CDH4: variants seen among roughly 807,000 people sequenced by gnomAD.
The protein encoded by CDH4 is cadherin 4, also known as cadherin-4.
A neutral mutation model predicts 86.0 loss-of-function variants in CDH4; 33 were observed. The ratio of observed to expected loss-of-function variants is 0.38; its 90% CI spans 0.29 to 0.51. The LOEUF (loss-of-function observed/expected upper bound fraction) is 0.51, where lower values mean the gene tolerates loss of function less well. Ranked by LOEUF, CDH4 falls within the 20% of genes least tolerant of loss-of-function variation. CDH4 has a pLI of 0.86. For missense variants in CDH4, 1,114 were observed against 1,307.4 expected (o/e 0.85, Z 2.28); for synonymous variants, 555 against 549.4 (o/e 1.01, Z -0.14).
chr20:61,533,270 G>A (rs2085969491), intron 2 of CDH4, among the ~76,000 whole-genome samples: 1 of 152,212 alleles, frequency 6.6e-6, no homozygotes, highest in African/African-American at 2.4e-5. Context: ...ATGGGGGGCA[G>A]GCCTGGGCAC....
intron 2 of CDH4, among the ~76,000 whole-genome samples, chr20:61,484,150 G>T (rs1262313365): frequency 6.6e-6 from 1 of 152,042 alleles, no homozygotes; most frequent in African/African-American, 2.4e-5. Flanking sequence ...AGCATCACCT[G>T]CCTAGACCAT....
intron 3 of CDH4, among the ~76,000 whole-genome samples, chr20:61,758,238 A>G (rs2088589433): frequency 6.6e-6 from 1 of 152,140 alleles, no homozygotes; most frequent in African/African-American, 2.4e-5. Flanking sequence ...GTATGGGAAG[A>G]AGCCAGCCGT....
At chr20:61,780,182 T>C (rs537561630) in intron 4 of CDH4, among the ~76,000 whole-genome samples, 37 of 152,182 alleles carry the variant, frequency 2.4e-4, no homozygotes, top group African/African-American at 8.0e-4. Flanking sequence ...TGCTGGTGGC[T>C]CGTAGCTTCC....
intron 2 of CDH4, among the ~76,000 whole-genome samples, chr20:61,332,659 G>A (rs1219902608): frequency 6.6e-6 from 1 of 152,244 alleles, no homozygotes; most frequent in Non-Finnish European, 1.5e-5. Context: ...AAGGCCCTTG[G>A]CTAGTTTAGA....
chr20:61,845,646 C>T (rs748551987), intron 5 of CDH4, among the ~76,000 whole-genome samples: 2 of 152,244 alleles, frequency 1.3e-5, no homozygotes, highest in African/African-American at 4.8e-5. Flanking sequence ...ATGCTGTCGC[C>T]TCTCCTGGCC....
chr20:61,704,827 G>A (rs1162056729), intron 2 of CDH4, among the ~76,000 whole-genome samples: 1 of 152,174 alleles, frequency 6.6e-6, no homozygotes, highest in Non-Finnish European at 1.5e-5. Context: ...CCACTCAGGA[G>A]ATGCCAGTAG....
Position 61,706,876 on chromosome 20 carries a change from C to G in CDH4, c.170-36687C>G, listed in dbSNP as rs182688101. Among the ~76,000 whole-genome samples the G allele has an allele frequency of 1.2e-4, 18 of 152,340 alleles. No individual in the cohort carries two copies. The East Asian group carries it at 3.3e-3, about 28-fold the overall frequency. On this transcript the variant is annotated intron_variant, in intron 2 of 15. Coordinates refer to ENST00000614565, the MANE Select transcript of CDH4 (RefSeq NM_001794.5). Reference sequence around the variant, plus strand: ...CGCATGACCCTCTGTGATGCCCAGACCAGCTGAGATGCAATCCCCGCAGAG... The same window carrying G: ...CGCATGACCCTCTGTGATGCCCAGAGCAGCTGAGATGCAATCCCCGCAGAG...
chr20:61,562,505 T>C (rs2086227387), intron 2 of CDH4, among the ~76,000 whole-genome samples: 2 of 152,290 alleles, frequency 1.3e-5, no homozygotes, highest in South Asian at 4.1e-4. Flanking sequence ...AGGACAGTCA[T>C]TGCCTGGGAA....
rs1225504803 is a variant in CDH4, at chr20:61,516,241, G to A, written c.170-227322G>A. ...CCGCCCTGGGGACTAAGCAAAACAG[G>A]GACAGAGCCACCGGCCCCACCCTAA... On this transcript the variant is annotated intron_variant, in intron 2 of 15. Coordinates refer to ENST00000614565, the MANE Select transcript of CDH4 (RefSeq NM_001794.5). The surrounding 1 kb of genome is among the most constrained non-coding windows in gnomAD (Gnocchi z 4.0). Among the ~76,000 whole-genome samples the A allele has an allele frequency of 6.6e-6, 1 of 152,258 alleles. No homozygotes were observed. The highest frequency in any genetic ancestry group is 1.9e-4 in the East Asian group (1 of 5,186).
At chr20:61,819,988 G>A (rs1003414815) in intron 4 of CDH4, among the ~76,000 whole-genome samples, 26 of 152,136 alleles carry the variant, frequency 1.7e-4, no homozygotes, top group Admixed American at 2.0e-4. Context: ...CAAGCCCAGG[G>A]GTGGCCACCT....
chr20:61,487,196 GAT>G (rs2085601537), intron 2 of CDH4, among the ~76,000 whole-genome samples: 1 of 152,196 alleles, frequency 6.6e-6, no homozygotes, highest in Non-Finnish European at 1.5e-5. Context: ...TTGTGAAAAA[GAT>G]AATGCTTTCT....
chr20:61,757,976 T>C (rs540168977), intron 3 of CDH4, among the ~76,000 whole-genome samples: 28 of 152,254 alleles, frequency 1.8e-4, no homozygotes, highest in Non-Finnish European at 3.5e-4. Context: ...CCGGCACTGC[T>C]GTGTAGCAGC....
intron 2 of CDH4, among the ~76,000 whole-genome samples, chr20:61,564,073 G>T (rs964608994): frequency 7.2e-5 from 11 of 152,054 alleles, no homozygotes; most frequent in Non-Finnish European, 2.9e-5. Context: ...CTCCTGTGAG[G>T]ACAGCGTTTG....
chr20:61,841,693 C>T (rs1982180213), intron 4 of CDH4, among the ~76,000 whole-genome samples: 1 of 121,626 alleles, frequency 8.2e-6, no homozygotes, highest in South Asian at 2.4e-4. Context: ...TAAGGAGGTG[C>T]ATTGCGGGGG....
At chr20:61,882,727 G>A (rs750576789) in intron 7 of CDH4, among the ~76,000 whole-genome samples, 2 of 152,196 alleles carry the variant, frequency 1.3e-5, no homozygotes, top group South Asian at 2.1e-4. Context: ...AAAAAGGCCC[G>A]TGCGTCTCAG....
intron 2 of CDH4, among the ~76,000 whole-genome samples, chr20:61,563,424 C>T (rs1180294140): frequency 6.6e-6 from 1 of 152,206 alleles, no homozygotes; most frequent in African/African-American, 2.4e-5. Flanking sequence ...CCTTCTCCCT[C>T]ACTTGCTCCA....
intron 3 of CDH4, among the ~76,000 whole-genome samples, chr20:61,758,749 A>T (rs112906796): frequency 6.5e-4 from 99 of 152,260 alleles, no homozygotes; most frequent in African/African-American, 2.3e-3. Flanking sequence ...TGGCCTCCTG[A>T]CGGGGGACGA....
chr20:61,361,474 G>C (rs2084782806), intron 2 of CDH4, among the ~76,000 whole-genome samples: 1 of 152,184 alleles, frequency 6.6e-6, no homozygotes, highest in African/African-American at 2.4e-5. Context: ...GGGGGATACA[G>C]CTGCAGTGAT....
At chr20:61,803,323 A>G (rs908040363) in intron 4 of CDH4, among the ~76,000 whole-genome samples, 2 of 152,144 alleles carry the variant, frequency 1.3e-5, no homozygotes, top group Admixed American at 6.5e-5. Context: ...AGGCTGTCCA[A>G]CCCAATTTCC....
Sources: gnomAD v4.1 joint callset for allele counts (sites outside exome capture counted in the v4.1 genomes callset) on GRCh38, gnomAD v4.1.1 for gene constraint, Gnocchi (gnomAD v3.1) non-coding constraint, MANE v1.5 for transcripts, NCBI Gene and HGNC (gene_info 2026-07-23, HGNC 2026-07-21) for gene names.